The following SEMA3C variants were observed in gnomAD, a reference collection of about 807,000 sequenced individuals.
SEMA3C encodes the protein semaphorin-3C.
SEMA3C carries 47 observed loss-of-function variants against 89.4 expected under a neutral mutation model. That is an observed-to-expected ratio of 0.53 (90% confidence interval 0.42 to 0.67). The LOEUF (loss-of-function observed/expected upper bound fraction) is 0.67, where lower values mean the gene tolerates loss of function less well. SEMA3C is among the 30% of genes least tolerant of loss of function. The probability of loss-of-function intolerance (pLI) is 0.00; values close to 1 mark genes in which losing one functional copy is unlikely to be tolerated. For missense variants in SEMA3C, 839 were observed against 929.1 expected (o/e 0.90, Z 1.26); for synonymous variants, 310 against 320.2 (o/e 0.97, Z 0.34).
chr7:80,754,966 T>TTGTTTTTTTTTGTTTTTTTTG (rs1554359516), intron 15 of SEMA3C, among the ~76,000 whole-genome samples: 6 of 139,038 alleles, frequency 4.3e-5, no homozygotes, highest in African/African-American at 1.6e-4. Context: ...TGTTTTTTTT[T>TTGTTTTTTTTTGTTTTTTTTG]TTTTTGTATT....
At chr7:80,827,063 A>G (rs987957212) in intron 4 of SEMA3C, among the ~76,000 whole-genome samples, 3 of 152,100 alleles carry the variant, frequency 2.0e-5, no homozygotes, top group Non-Finnish European at 4.4e-5. Context: ...TGTTTGGAAA[A>G]GCCCACAGGG....
At chr7:80,797,922 C>T (rs545775970) in intron 11 of SEMA3C, among the ~76,000 whole-genome samples, 170 bp downstream of exon 11, 17 of 152,138 alleles carry the variant, frequency 1.1e-4, no homozygotes, top group African/African-American at 3.4e-4. Context: ...CGCTTGAACC[C>T]GGGAGGCGGA....
At chr7:80,842,219 T>C (rs4731861) in intron 2 of SEMA3C, among the ~76,000 whole-genome samples, 121,059 of 152,068 alleles carry the variant, frequency 0.8, 48,363 homozygotes, top group South Asian at 0.89. Context: ...GCCCAAGACT[T>C]ATCATATACA....
At chr7:80,778,025 T>A (rs1285761852) in intron 12 of SEMA3C, among the ~76,000 whole-genome samples, 1 of 152,206 alleles carries the variant, frequency 6.6e-6, no homozygotes, top group Non-Finnish European at 1.5e-5. Context: ...TTAATAAGTT[T>A]GTATATTCTG....
At chr7:80,790,789 CT>C (rs1788919322) in intron 11 of SEMA3C, among the ~76,000 whole-genome samples, 1 of 152,120 alleles carries the variant, frequency 6.6e-6, no homozygotes, top group African/African-American at 2.4e-5. Flanking sequence ...GTATCAGTTG[CT>C]TGCATCTTTA....
Position 80,753,467 on chromosome 7 carries a change from G to C in SEMA3C, c.1644-2131C>G, listed in dbSNP as rs112513235. Among the ~76,000 whole-genome samples the C allele has an allele frequency of 5.3e-5, 8 of 152,138 alleles. 1 individual carries two copies. Among genetic ancestry groups the C allele is most frequent in the African/African-American group, 1.7e-4 (7 of 41,506 alleles). On this transcript the variant is annotated intron_variant, in intron 15 of 17. Coordinates refer to ENST00000265361, the MANE Select transcript of SEMA3C (RefSeq NM_006379.5). ...ATTCATGTATACAAACTCTCAAGCT[G>C]GGCAATCTCAATTTACAGTATCACA...
At chr7:80,844,043 C>T (rs183005317) in intron 2 of SEMA3C, among the ~76,000 whole-genome samples, 34 of 152,258 alleles carry the variant, frequency 2.2e-4, no homozygotes, top group African/African-American at 6.5e-4. Context: ...AAGAATACTG[C>T]AGATGAATCA....
intron 11 of SEMA3C, among the ~76,000 whole-genome samples, chr7:80,795,832 G>A (rs1403809222): frequency 6.6e-6 from 1 of 152,118 alleles, no homozygotes; most frequent in African/African-American, 2.4e-5. Flanking sequence ...TGTAGCATTT[G>A]ACAATTTCCA....
chr7:80,868,902 T>G (rs1790992493), intron 2 of SEMA3C, among the ~76,000 whole-genome samples: 1 of 152,174 alleles, frequency 6.6e-6, no homozygotes, highest in Admixed American at 6.5e-5. Flanking sequence ...CCACATTAAA[T>G]GCATAACGAG....
At chr7:80,761,453 G>C (rs1788180456) in intron 14 of SEMA3C, among the ~76,000 whole-genome samples, 163 bp downstream of exon 14, 1 of 152,092 alleles carries the variant, frequency 6.6e-6, no homozygotes. Context: ...CTAATACCTT[G>C]TAAGTTCTAC....
chr7:80,794,246 C>T (rs1486750212), intron 11 of SEMA3C, among the ~76,000 whole-genome samples: 1 of 152,026 alleles, frequency 6.6e-6, no homozygotes, highest in Non-Finnish European at 1.5e-5. Flanking sequence ...TCCAATCACC[C>T]TAGGGCAAGC....
intron 12 of SEMA3C, among the ~76,000 whole-genome samples, chr7:80,766,578 G>T (rs915358925): frequency 7.2e-5 from 11 of 152,188 alleles, no homozygotes; most frequent in African/African-American, 2.4e-4. Context: ...CTCCCACAAT[G>T]TGGAGTGTAC....
chr7:80,781,235 A>G (rs72612622), intron 12 of SEMA3C, among the ~76,000 whole-genome samples: 11,010 of 152,254 alleles, frequency 0.072, 610 homozygotes, highest in East Asian at 0.26. Context: ...AACATTAAAC[A>G]TATCTGCAAG....
At chr7:80,750,467 TATATATACACAC>T (rs1478992868) in intron 16 of SEMA3C, among the ~76,000 whole-genome samples, 40 of 61,794 alleles carry the variant, frequency 6.5e-4, no homozygotes, top group Non-Finnish European at 8.3e-4. Context: ...TATATATATA[TATATATACACAC>T]ACACACACAC....
chr7:80,852,208 T>C (rs886813033), intron 2 of SEMA3C, among the ~76,000 whole-genome samples: 1 of 152,326 alleles, frequency 6.6e-6, no homozygotes, highest in African/African-American at 2.4e-5. Flanking sequence ...CAGAAATCCC[T>C]ATGGAGAGTC....
chr7:80,919,329 CA>C (rs1277070202), upstream of SEMA3C: 8 of 985,186 alleles, frequency 8.1e-6, no homozygotes, highest in Non-Finnish European at 9.6e-6. Context: ...CCTAGCTCCG[CA>C]ACCCTGCTCC....
chr7:80,801,452 G>A (rs1789205957), intron 9 of SEMA3C, among the ~76,000 whole-genome samples: 1 of 151,966 alleles, frequency 6.6e-6, no homozygotes, highest in Admixed American at 6.6e-5. Context: ...ACAAAAGTAT[G>A]CACAGTGAAG....
At chr7:80,843,755 T>G (rs1790325876) in intron 2 of SEMA3C, among the ~76,000 whole-genome samples, 1 of 152,202 alleles carries the variant, frequency 6.6e-6, no homozygotes, top group African/African-American at 2.4e-5. Flanking sequence ...AATATTAATT[T>G]GTATTGAAAT....
chr7:80,785,215 T>A (rs1325644567), intron 12 of SEMA3C, among the ~76,000 whole-genome samples: 1 of 152,178 alleles, frequency 6.6e-6, no homozygotes, highest in Non-Finnish European at 1.5e-5. Flanking sequence ...CCCACACAAC[T>A]ACCATGGAGA....
Sources: allele counts gnomAD v4.1 joint callset (sites outside exome capture counted in the v4.1 genomes callset), GRCh38; gene constraint gnomAD v4.1.1; transcripts MANE v1.5; gene names NCBI Gene and HGNC (gene_info 2026-07-23, HGNC 2026-07-21).